IFI16: variants seen among roughly 807,000 people sequenced by gnomAD.
The protein encoded by IFI16 is gamma-interferon-inducible protein 16.
In IFI16, 49 loss-of-function variants were observed where a neutral mutation model predicts 68.4. That is an observed-to-expected ratio of 0.72 (90% confidence interval 0.57 to 0.91). The LOEUF (loss-of-function observed/expected upper bound fraction) is 0.91. Ranked by LOEUF, IFI16 falls within the 40% of genes least tolerant of loss-of-function variation. The probability of loss-of-function intolerance (pLI) is 0.00; values close to 1 mark genes in which losing one functional copy is unlikely to be tolerated. For synonymous variants in IFI16, 307 were observed against 315.0 expected (o/e 0.97, Z 0.27); for missense variants, 878 against 942.9 (o/e 0.93, Z 0.90).
At chr1:159,039,053 T>TA (rs1654475875) in intron 7 of IFI16, among the ~76,000 whole-genome samples, 2 of 152,104 alleles carry the variant, frequency 1.3e-5, no homozygotes, top group Admixed American at 6.5e-5. Context: ...TTGCTGCCCT[T>TA]ATAAACTGAG....
Position 159,049,460 on chromosome 1 carries a change from A to G in IFI16, c.1526A>G (p.Asn509Ser). ...TKSEDTISKM[N>S]DFMRMQILKE... is the part of the protein sequence containing the mutation. ...AGTGAAGACACAATCTCCAAAATGA[A>G]TGACTTCATGAGGATGCAGATACTG... Residue 509 changes from asparagine (N) to serine (S), a missense_variant, in exon 9 of 12, where the codon AAT (asparagine) becomes AGT (serine). Transcript: ENST00000295809. The G allele has an allele frequency of 2.0e-6, 3 of 1,495,962 alleles. No individual in the cohort carries two copies. Among genetic ancestry groups the G allele is most frequent in the South Asian group, 1.2e-5 (1 of 83,734 alleles). 92.7% of individuals were successfully genotyped at this position (1,495,962 alleles called of 1,614,324 possible). A position where few individuals can be genotyped will look rare whatever the true frequency, so the allele number is the denominator to read the frequency against.
At chr1:159,004,531 C>T (rs1251435062), upstream of IFI16, among the ~76,000 whole-genome samples, 1 of 152,064 alleles carries the variant, frequency 6.6e-6, no homozygotes, top group African/African-American at 2.4e-5. Flanking sequence ...ATGGTGAAAC[C>T]TTGTCTTTAC....
chr1:159,016,765 C>T (rs548722143), intron 4 of IFI16, 65 bp downstream of exon 4: 21 of 1,403,094 alleles, frequency 1.5e-5, no homozygotes, highest in East Asian at 9.5e-5. Context: ...CTGATTTCAC[C>T]GGTTACTTAA....
intron 6 of IFI16, among the ~76,000 whole-genome samples, chr1:159,023,234 G>T (rs1199643903): frequency 6.6e-6 from 1 of 152,104 alleles, no homozygotes; most frequent in Non-Finnish European, 1.5e-5. Context: ...TTTTGTTATA[G>T]TTCTATCAGG....
chr1:159,032,797 C>T, intron 7 of IFI16, 106 bp downstream of exon 7: 2 of 861,772 alleles, frequency 2.3e-6, no homozygotes, highest in East Asian at 2.7e-5. Flanking sequence ...TGGATTGGTA[C>T]AATCTTGGTA....
At chr1:159,017,275 C>T (rs1652993149) in intron 4 of IFI16, among the ~76,000 whole-genome samples, 1 of 152,170 alleles carries the variant, frequency 6.6e-6, no homozygotes, top group South Asian at 2.1e-4. Flanking sequence ...AGAGTTTCTG[C>T]AGCCTGAACC....
At chr1:159,043,137 G>A (rs970272180) in intron 7 of IFI16, among the ~76,000 whole-genome samples, 1 of 152,242 alleles carries the variant, frequency 6.6e-6, no homozygotes, top group Admixed American at 6.5e-5. Flanking sequence ...TTAATTTCAA[G>A]ATTTCATATT....
intron 3 of IFI16, 43 bp from the exon 4 acceptor site, chr1:159,016,490 T>A: frequency 1.9e-6 from 3 of 1,542,244 alleles, no homozygotes; most frequent in Non-Finnish European, 2.6e-6. Context: ...TCTACTTCAT[T>A]TGGCACTGAA....
At position 159,018,299 on chromosome 1, in the gene IFI16, T is replaced by C. The variant is rs1245013193; in HGVS notation, c.620T>C (p.Val207Ala). ...RNVLQKRPVI[V>A]KVLSTTKPFE... is the part of the protein sequence containing the mutation. ...GTTCTCCAAAAACGCCCAGTGATAG[T>C]GAAGGTACTGAGTACAACAAAGCCA... Residue 207 changes from valine to alanine, a missense_variant, in exon 5 of 12, where the codon GTG becomes GCG. Around this residue, in one of 4 missense-constraint regions of IFI16, gnomAD observed 443 missense variants for 421.8 expected, o/e 1.05. Transcript: ENST00000295809. The C allele has an allele frequency of 6.2e-7, 1 of 1,613,948 alleles. No homozygotes were observed. Among genetic ancestry groups the C allele is most frequent in the Non-Finnish European group, 8.5e-7 (1 of 1,179,946 alleles).
chr1:159,054,519 TG>T (rs3835723), intron 11 of IFI16, among the ~76,000 whole-genome samples: 4,175 of 152,230 alleles, frequency 0.027, 122 homozygotes, highest in East Asian at 0.07. Flanking sequence ...CCTCAACTCT[TG>T]TCATTGGGTG....
intron 7 of IFI16, among the ~76,000 whole-genome samples, chr1:159,043,854 C>G (rs1447298264): frequency 6.6e-6 from 1 of 152,288 alleles, no homozygotes; most frequent in Non-Finnish European, 1.5e-5. Context: ...TAAGATTTCA[C>G]TTATTTTTAA....
At chr1:159,026,500 T>A (rs1653679570) in intron 6 of IFI16, among the ~76,000 whole-genome samples, 1 of 152,126 alleles carries the variant, frequency 6.6e-6, no homozygotes, top group Non-Finnish European at 1.5e-5. Context: ...GGTTTCACCG[T>A]GCTGGCCAGG....
At chr1:159,025,752 ACT>A in intron 6 of IFI16, among the ~76,000 whole-genome samples, 1 of 152,222 alleles carries the variant, frequency 6.6e-6, no homozygotes, top group East Asian at 1.9e-4. Flanking sequence ...TGCCTAAGCC[ACT>A]CTCTAGAAGG....
chr1:159,050,888 T>C (rs955160353), intron 9 of IFI16, among the ~76,000 whole-genome samples: 1 of 152,190 alleles, frequency 6.6e-6, no homozygotes, highest in African/African-American at 2.4e-5. Context: ...GCCTTAATGA[T>C]GTTTTTGCAA....
intron 7 of IFI16, among the ~76,000 whole-genome samples, chr1:159,033,383 AG>A (rs1225152209): frequency 6.6e-6 from 1 of 152,232 alleles, no homozygotes; most frequent in African/African-American, 2.4e-5. Flanking sequence ...GGGTCAGCAT[AG>A]CTCAGGTTAT....
chr1:159,023,821 T>A (rs1653485346), intron 6 of IFI16, among the ~76,000 whole-genome samples: 1 of 152,224 alleles, frequency 6.6e-6, no homozygotes, highest in Non-Finnish European at 1.5e-5. Context: ...TGCATCCTTT[T>A]ATGCTTCTAA....
chr1:159,030,170 T>C (rs1181526253), intron 6 of IFI16, among the ~76,000 whole-genome samples: 1 of 151,810 alleles, frequency 6.6e-6, no homozygotes. Context: ...TTATGCTCTC[T>C]ATTTTTTTGG....
intron 7 of IFI16, among the ~76,000 whole-genome samples, chr1:159,039,870 A>C (rs1654523312): frequency 6.6e-6 from 1 of 152,214 alleles, no homozygotes; most frequent in Non-Finnish European, 1.5e-5. Context: ...TAGCCAAATC[A>C]CTAGCTTACT....
At chr1:159,041,722 C>A (rs1313324657) in intron 7 of IFI16, among the ~76,000 whole-genome samples, 1 of 152,132 alleles carries the variant, frequency 6.6e-6, no homozygotes, top group Non-Finnish European at 1.5e-5. Flanking sequence ...AGACTGAAGA[C>A]TATAATCCTG....
Sources: allele counts gnomAD v4.1 joint callset (sites outside exome capture counted in the v4.1 genomes callset), GRCh38; gene constraint gnomAD v4.1.1; regional missense constraint gnomAD v4.1.1; transcripts MANE v1.5; gene names NCBI Gene and HGNC (gene_info 2026-07-23, HGNC 2026-07-21).